Variants in CDH10 observed in about 807,000 individuals in gnomAD.
CDH10 encodes cadherin-10.
A neutral mutation model predicts 73.1 loss-of-function variants in CDH10; 30 were observed. That is an observed-to-expected ratio of 0.41 (90% CI 0.31 to 0.56). The LOEUF is 0.56. Among genes scored for constraint, CDH10 ranks in the 20% least tolerant of loss-of-function variants. CDH10 has a pLI of 0.27. For synonymous variants in CDH10, 345 were observed against 348.2 expected (o/e 0.99, Z 0.10); for missense variants, 815 against 973.7 (o/e 0.84, Z 2.17).
At chr5:24,550,954 C>T (rs1482159232) in intron 2 of CDH10, among the ~76,000 whole-genome samples, 1 of 152,130 alleles carries the variant, frequency 6.6e-6, no homozygotes, top group African/African-American at 2.4e-5. Flanking sequence ...CATTCTATGG[C>T]TACTCTCTAC....
chr5:24,641,150 G>A (rs1449952448), intron 1 of CDH10, among the ~76,000 whole-genome samples: 1 of 151,932 alleles, frequency 6.6e-6, no homozygotes, highest in Admixed American at 6.6e-5. Flanking sequence ...CGCTTTAGGT[G>A]CCCTTCTATT....
chr5:24,566,755 C>T (rs1037398448), intron 2 of CDH10, among the ~76,000 whole-genome samples: 5 of 151,636 alleles, frequency 3.3e-5, no homozygotes, highest in African/African-American at 1.2e-4. Context: ...TTTCTAGAAG[C>T]CAATACAGAA....
At chr5:24,641,880 C>T (rs1197464844) in intron 1 of CDH10, among the ~76,000 whole-genome samples, 1 of 152,032 alleles carries the variant, frequency 6.6e-6, no homozygotes, top group African/African-American at 2.4e-5. Context: ...AGTTTTCAAA[C>T]ATAGACCTGA....
intron 5 of CDH10, among the ~76,000 whole-genome samples, chr5:24,513,987 T>C (rs1181390002): frequency 6.6e-6 from 1 of 152,164 alleles, no homozygotes; most frequent in Admixed American, 6.5e-5. Context: ...CTTATTTGTA[T>C]GGAACATAAG....
At chr5:24,627,570 C>G (rs1242623054) in intron 1 of CDH10, among the ~76,000 whole-genome samples, 2 of 152,018 alleles carry the variant, frequency 1.3e-5, no homozygotes, top group Non-Finnish European at 2.9e-5. Context: ...TGTTTACTAG[C>G]TTTGTGATTT....
chr5:24,540,021 T>C (rs959520594), intron 2 of CDH10, among the ~76,000 whole-genome samples: 3 of 152,054 alleles, frequency 2.0e-5, no homozygotes, highest in African/African-American at 7.2e-5. Flanking sequence ...CATTCAATAA[T>C]TTTAATTGAG....
chr5:24,526,294 G>T (rs1283012353), intron 5 of CDH10, among the ~76,000 whole-genome samples: 1 of 151,868 alleles, frequency 6.6e-6, no homozygotes, highest in African/African-American at 2.4e-5. Context: ...TTCCAAGTAG[G>T]TTTTTGTATA....
intron 1 of CDH10, among the ~76,000 whole-genome samples, chr5:24,624,885 G>T (rs769028528): frequency 1.3e-5 from 2 of 152,086 alleles, no homozygotes; most frequent in Non-Finnish European, 2.9e-5. Context: ...CTAACAGGAA[G>T]ACAACTAAAC....
At chr5:24,596,453 G>A (rs780598394) in intron 1 of CDH10, among the ~76,000 whole-genome samples, 26 of 151,720 alleles carry the variant, frequency 1.7e-4, no homozygotes, top group Non-Finnish European at 3.1e-4. Flanking sequence ...ACTAACGGCC[G>A]TTTTCCTTAA....
chr5:24,632,246 C>G (rs1210868755), intron 1 of CDH10, among the ~76,000 whole-genome samples: 1 of 151,980 alleles, frequency 6.6e-6, no homozygotes, highest in African/African-American at 2.4e-5. Flanking sequence ...CTGCAAAAAA[C>G]CTTTGCCCTA....
chr5:24,503,709 A>G (rs1742581204), intron 8 of CDH10, among the ~76,000 whole-genome samples: 1 of 152,192 alleles, frequency 6.6e-6, no homozygotes, highest in South Asian at 2.1e-4. Flanking sequence ...TACCTCTGAC[A>G]TGATAACTTT....
intron 2 of CDH10, among the ~76,000 whole-genome samples, chr5:24,546,635 T>G (rs1353703694): frequency 6.6e-6 from 1 of 152,200 alleles, no homozygotes; most frequent in Non-Finnish European, 1.5e-5. Context: ...TAACTGAGCA[T>G]GTACATGGGT....
At chr5:24,521,716 T>C (rs994578388) in intron 5 of CDH10, among the ~76,000 whole-genome samples, 2 of 152,088 alleles carry the variant, frequency 1.3e-5, no homozygotes, top group African/African-American at 2.4e-5. Context: ...AAACTAAACA[T>C]AACTGAATAT....
intron 4 of CDH10, among the ~76,000 whole-genome samples, chr5:24,535,482 T>C (rs1743917870): frequency 6.6e-6 from 1 of 152,124 alleles, no homozygotes; most frequent in Admixed American, 6.6e-5. Flanking sequence ...ATACCACATG[T>C]GCTTTGAGTG....
At chr5:24,532,255 T>TAAC (rs1392324629) in intron 5 of CDH10, among the ~76,000 whole-genome samples, 1 of 151,852 alleles carries the variant, frequency 6.6e-6, no homozygotes, top group Admixed American at 6.6e-5. Context: ...TAATACTGAA[T>TAAC]AATAATAATA....
At chr5:24,578,851 C>A (rs1294951877) in intron 2 of CDH10, among the ~76,000 whole-genome samples, 2 of 151,828 alleles carry the variant, frequency 1.3e-5, no homozygotes, top group African/African-American at 4.8e-5. Flanking sequence ...TATAAGTTTG[C>A]CATCTAAATC....
chr5:24,626,857 T>C (rs1346585750), intron 1 of CDH10, among the ~76,000 whole-genome samples: 1 of 123,094 alleles, frequency 8.1e-6, no homozygotes, highest in Admixed American at 1.0e-4. Context: ...TATAAGTGTA[T>C]ATATATGTGT....
chr5:24,537,538 G>T lies in CDH10; in HGVS notation c.368C>A (p.Ala123Asp), dbSNP rs1744002517. 5 of 1,613,204 alleles carry T rather than the reference G, an allele frequency of 3.1e-6. No homozygotes were observed. The highest frequency in any genetic ancestry group is 4.2e-6 in the Non-Finnish European group (5 of 1,179,450). ...AGCTTGTGCGCGTAGAGTATAAAAG[G>T]CCTTTTCCTCCCTATCAATTCGCCT... ...ATRRIDREEK[A>D]FYTLRAQAIN... Residue 123 changes from alanine (A) to aspartate (D), a missense_variant, in exon 3 of 12, where the codon GCC becomes GAC. By Grantham distance (126) the Ala-to-Asp change is moderately radical (BLOSUM62 -2). This residue lies in a region of CDH10 where 516 missense variants were observed against 636.6 expected (regional missense o/e 0.81). Coordinates refer to ENST00000264463, the MANE Select transcript of CDH10 (RefSeq NM_006727.5).
At position 24,625,586 on chromosome 5, in the gene CDH10, T is replaced by A. The variant is rs1020259172; in HGVS notation, c.-124+19008A>T. Among the ~76,000 whole-genome samples, 5 of 131,254 alleles carry A rather than the reference T, an allele frequency of 3.8e-5. 1 individual carries two copies. Among genetic ancestry groups the A allele is most frequent in the African/African-American group, 9.1e-5 (3 of 33,052 alleles). The allele number at this position is 131,254 out of a possible 152,430, so 86.1% of individuals were successfully genotyped here. On this transcript the variant is annotated intron_variant, in intron 1 of 11. Coordinates refer to ENST00000264463, the MANE Select transcript of CDH10 (RefSeq NM_006727.5). ...ATTCATATATATACATATATTCATA[T>A]ATATGAATATATATGTGTATATATA...
Sources: allele counts gnomAD v4.1 joint callset (sites outside exome capture counted in the v4.1 genomes callset), GRCh38; gene constraint gnomAD v4.1.1; regional missense constraint gnomAD v4.1.1; transcripts MANE v1.5; gene names NCBI Gene and HGNC (gene_info 2026-07-23, HGNC 2026-07-21).